The following CDC25C variants were observed in gnomAD, a reference collection of about 807,000 sequenced individuals.
CDC25C encodes the protein M-phase inducer phosphatase 3.
In CDC25C, 48 loss-of-function variants were observed where a neutral mutation model predicts 52.5. That is an observed-to-expected ratio of 0.91 (90% CI 0.72 to 1.16). The LOEUF is 1.16. CDC25C is among the 50% of genes most tolerant of loss of function. The pLI is 0.00. For missense variants in CDC25C, 510 were observed against 566.1 expected (o/e 0.90, Z 1.01); for synonymous variants, 187 against 206.5 (o/e 0.91, Z 0.81).
At chr5:138,302,000 C>A (rs1485359524) in intron 7 of CDC25C, among the ~76,000 whole-genome samples, 1 of 146,578 alleles carries the variant, frequency 6.8e-6, no homozygotes, top group African/African-American at 2.5e-5. Flanking sequence ...TCACTGTGCC[C>A]GGCCTTTTTA....
At chr5:138,286,747 G>T in intron 11 of CDC25C, 117 bp from the exon 12 acceptor site, 1 of 879,270 alleles carries the variant, frequency 1.1e-6, no homozygotes, top group Non-Finnish European at 1.7e-6. Context: ...TGGACTATAA[G>T]CACCTTTAGG....
chr5:138,311,291 C>G (rs1314677253), intron 7 of CDC25C, among the ~76,000 whole-genome samples: 1 of 152,144 alleles, frequency 6.6e-6, no homozygotes. Flanking sequence ...AACTATAAAA[C>G]TCTTTAAAGA....
chr5:138,286,450 C>A (rs1295828551), intron 12 of CDC25C, 47 bp downstream of exon 12: 1 of 1,575,780 alleles, frequency 6.3e-7, no homozygotes, highest in African/African-American at 1.4e-5. Context: ...GGAAGTCCAA[C>A]TCAAAATCCA....
At chr5:138,335,673 G>A (rs1760647525), upstream of CDC25C, among the ~76,000 whole-genome samples, 1 of 152,298 alleles carries the variant, frequency 6.6e-6, no homozygotes, top group East Asian at 1.9e-4. Flanking sequence ...TTAATTATGG[G>A]TAGGAGTGTT....
chr5:138,288,896 A>G (rs1057190183), intron 10 of CDC25C, among the ~76,000 whole-genome samples: 19 of 152,134 alleles, frequency 1.2e-4, no homozygotes, highest in African/African-American at 4.6e-4. Context: ...TGGTCACCCT[A>G]ATTGAGACCT....
At chr5:138,287,330 G>T in intron 10 of CDC25C, 63 bp from the exon 11 acceptor site, 1 of 1,158,660 alleles carries the variant, frequency 8.6e-7, no homozygotes, top group South Asian at 1.3e-5. Flanking sequence ...AAGGGTCAAT[G>T]ACACAGTTCC....
intron 7 of CDC25C, among the ~76,000 whole-genome samples, chr5:138,309,239 AC>A (rs1374473389): frequency 1.4e-4 from 20 of 147,786 alleles, no homozygotes; most frequent in Middle Eastern, 3.4e-3. Flanking sequence ...AAAAAAAAAA[AC>A]ATAAAAATAC....
chr5:138,329,209 A>G (rs911601404), intron 3 of CDC25C, among the ~76,000 whole-genome samples: 1 of 152,246 alleles, frequency 6.6e-6, no homozygotes, highest in Non-Finnish European at 1.5e-5. Flanking sequence ...GGCCAACAAC[A>G]TATTTCTTTA....
chr5:138,295,059 C>T (rs748333755), intron 7 of CDC25C, among the ~76,000 whole-genome samples: 13 of 152,154 alleles, frequency 8.5e-5, no homozygotes, highest in Non-Finnish European at 5.9e-5. Context: ...TATCTTTTAA[C>T]GTATGGATTT....
Position 138,285,580 on chromosome 5 carries a change from G to T in CDC25C, c.*112C>A. Reference sequence around the variant, plus strand: ...ATACAAGTTGGTAGCCTGTTGGTTTGCAGAGACATCTTTTAATAATCTTGG... The same window carrying T: ...ATACAAGTTGGTAGCCTGTTGGTTTTCAGAGACATCTTTTAATAATCTTGG... On this transcript the variant is annotated 3_prime_UTR_variant, in exon 14 of 14. Transcript: ENST00000323760. 2.0e-6 allele frequency: 2 copies of T among 992,734 alleles called. No individual in the cohort carries two copies. The highest frequency in any genetic ancestry group is 3.1e-6 in the Non-Finnish European group (2 of 655,540). The allele number at this position is 992,734 out of a possible 1,614,324, so 61.5% of individuals were successfully genotyped here. A position where few individuals can be genotyped will look rare whatever the true frequency, so the allele number is the denominator to read the frequency against.
intron 7 of CDC25C, among the ~76,000 whole-genome samples, chr5:138,302,230 C>T (rs1222647262): frequency 2.6e-5 from 4 of 151,442 alleles, no homozygotes; most frequent in African/African-American, 7.3e-5. Flanking sequence ...CTCCTGACCT[C>T]GAGTGATCCA....
chr5:138,338,253 G>C, exon 1 of CDC25C: 2 of 1,110,778 alleles, frequency 1.8e-6, no homozygotes, highest in East Asian at 5.8e-5. Flanking sequence ...ACCGTGGGGC[G>C]AACCGAGCGC....
chr5:138,311,183 C>T (rs1758423106), intron 7 of CDC25C, among the ~76,000 whole-genome samples: 1 of 152,166 alleles, frequency 6.6e-6, no homozygotes, highest in Admixed American at 6.5e-5. Context: ...GCCAACACTG[C>T]TTTGTTCTTT....
chr5:138,321,774 A>C (rs998339809), intron 6 of CDC25C, among the ~76,000 whole-genome samples: 12 of 149,834 alleles, frequency 8.0e-5, no homozygotes, highest in Non-Finnish European at 1.5e-4. Context: ...AAAAAAAAAA[A>C]AAAAAAAACC....
At chr5:138,286,208 G>C (rs576799173) in intron 12 of CDC25C, 75 bp from the exon 13 acceptor site, 170 of 1,152,240 alleles carry the variant, frequency 1.5e-4, no homozygotes, top group African/African-American at 2.6e-4. Flanking sequence ...CACTGGGGAG[G>C]GGGGAGAGGA....
intron 7 of CDC25C, among the ~76,000 whole-genome samples, chr5:138,292,480 C>T (rs1251077964): frequency 1.6e-5 from 1 of 63,510 alleles, no homozygotes; most frequent in Non-Finnish European, 2.8e-5. Context: ...GTTATGTGAC[C>T]AAAAAAAAAA....
At chr5:138,290,447 A>G (rs1756613310) in intron 9 of CDC25C, among the ~76,000 whole-genome samples, 192 bp downstream of exon 9, 1 of 152,192 alleles carries the variant, frequency 6.6e-6, no homozygotes, top group African/African-American at 2.4e-5. Context: ...CCTGTTCTGG[A>G]TCTTCCCAGA....
chr5:138,331,349 T>C (rs1760370724), intron 1 of CDC25C, 131 bp from the exon 2 acceptor site: 2 of 731,106 alleles, frequency 2.7e-6, no homozygotes, highest in African/African-American at 1.8e-5. Context: ...ACAGCCTGGC[T>C]TAAGGTTAGA....
intron 9 of CDC25C, 126 bp downstream of exon 9, chr5:138,290,513 G>T (rs1303484231): frequency 3.1e-6 from 2 of 650,362 alleles, no homozygotes; most frequent in Non-Finnish European, 5.7e-6. Flanking sequence ...TACCACTAGA[G>T]CACTGTCAGG....
Sources: allele counts gnomAD v4.1 joint callset (sites outside exome capture counted in the v4.1 genomes callset), GRCh38; gene constraint gnomAD v4.1.1; transcripts MANE v1.5; gene names NCBI Gene and HGNC (gene_info 2026-07-23, HGNC 2026-07-21).